Variants in SETX observed in about 807,000 individuals in gnomAD.
SETX encodes the protein helicase senataxin.
Under a neutral mutation model 227.2 loss-of-function variants are expected in SETX, and 90 were observed. That is an observed-to-expected ratio of 0.40 (90% confidence interval 0.33 to 0.47). The LOEUF is 0.47. SETX is among the 20% of genes least tolerant of loss of function. The probability of loss-of-function intolerance (pLI) is 0.91; values close to 1 mark genes in which losing one functional copy is unlikely to be tolerated. For missense variants in SETX, 3,052 were observed against 3,181.5 expected (o/e 0.96, Z 0.98); for synonymous variants, 1,210 against 1,113.2 (o/e 1.09, Z -1.73).
intron 15 of SETX, among the ~76,000 whole-genome samples, chr9:132,293,421 CTTAT>C (rs940113078): frequency 2.0e-5 from 3 of 152,086 alleles, no homozygotes; most frequent in Non-Finnish European, 2.9e-5. Flanking sequence ...CATTTGCTCT[CTTAT>C]TTATTTATTT....
At position 132,302,249 on chromosome 9, in the gene SETX, C is replaced by T. The variant is rs532176091; in HGVS notation, c.5375-1446G>A. Among the ~76,000 whole-genome samples the T allele has an allele frequency of 8.4e-4, 123 of 146,890 alleles. 1 individual carries two copies. The highest frequency in any genetic ancestry group is 3.1e-3 in the African/African-American group (122 of 39,512). Reference sequence around the variant, plus strand: ...GCAGGCATCTGTAGTCCCAGCTACTCGGGAGGCCGAGGCAGGAGAATGACG... The same window carrying T: ...GCAGGCATCTGTAGTCCCAGCTACTTGGGAGGCCGAGGCAGGAGAATGACG... On this transcript the variant is annotated intron_variant, in intron 11 of 25. Coordinates refer to ENST00000224140, the MANE Select transcript of SETX (RefSeq NM_015046.7).
At chr9:132,289,705 A>G (rs968303710) in intron 15 of SETX, among the ~76,000 whole-genome samples, 4 of 152,234 alleles carry the variant, frequency 2.6e-5, no homozygotes, top group African/African-American at 9.6e-5. Flanking sequence ...ACTATGTTCC[A>G]CATCACCTTG....
chr9:132,325,913 G>A lies in SETX; in HGVS notation c.5274+411C>T, dbSNP rs372890750. ...GCACCATTGCACTCCAGCCTGGGCA[G>A]CAAGAGCAAAACTCCACCTAAAAAA... On this transcript the variant is annotated intron_variant, in intron 10 of 25. Transcript: ENST00000224140. Among the ~76,000 whole-genome samples the A allele has an allele frequency of 7.2e-5, 10 of 139,374 alleles. No homozygotes were observed. In the East Asian group the frequency reaches 2.2e-3, roughly 30 times the overall value. The allele number at this position is 139,374 out of a possible 152,430, so 91.4% of individuals were successfully genotyped here.
At chr9:132,352,260 A>G (rs1260954093) in intron 2 of SETX, among the ~76,000 whole-genome samples, 2 of 152,024 alleles carry the variant, frequency 1.3e-5, no homozygotes, top group Non-Finnish European at 2.9e-5. Flanking sequence ...ACAACACACC[A>G]TTTTTTGGAC....
chr9:132,295,650 C>T (rs139439478), intron 15 of SETX, among the ~76,000 whole-genome samples: 28 of 152,290 alleles, frequency 1.8e-4, no homozygotes, highest in African/African-American at 6.0e-4. Context: ...CTCACTAGGC[C>T]GTGTGTCTCC....
intron 25 of SETX, among the ~76,000 whole-genome samples, chr9:132,268,567 T>G (rs1215965957): frequency 6.6e-6 from 1 of 151,974 alleles, no homozygotes; most frequent in African/African-American, 2.4e-5. Context: ...CTTTTAATTC[T>G]AAAAAGAGAT....
At chr9:132,282,414 G>A (rs7023710) in intron 19 of SETX, among the ~76,000 whole-genome samples, 2 of 150,814 alleles carry the variant, frequency 1.3e-5, no homozygotes, top group African/African-American at 2.4e-5. Flanking sequence ...TCAGCCTCCC[G>A]AATAACTGGA....
At chr9:132,286,375 A>G (rs760498241) in intron 18 of SETX, 48 bp downstream of exon 18, 2 of 1,404,992 alleles carry the variant, frequency 1.4e-6, no homozygotes, top group Non-Finnish European at 2.0e-6. Context: ...TTAAATTTTA[A>G]AAAGAAAAAA....
At chr9:132,322,496 T>G (rs965814234) in intron 10 of SETX, among the ~76,000 whole-genome samples, 1 of 152,250 alleles carries the variant, frequency 6.6e-6, no homozygotes, top group African/African-American at 2.4e-5. Flanking sequence ...CTTCTGTCCC[T>G]GACTTATTTC....
At chr9:132,277,980 G>T in intron 21 of SETX, 90 bp downstream of exon 21, 1 of 1,262,186 alleles carries the variant, frequency 7.9e-7, no homozygotes, top group Non-Finnish European at 1.2e-6. Context: ...TGCTTTTTAT[G>T]ACAAGACCTA....
At chr9:132,338,063 TCAGA>T (rs1049317120) in intron 5 of SETX, among the ~76,000 whole-genome samples, 4 of 149,370 alleles carry the variant, frequency 2.7e-5, no homozygotes, top group Non-Finnish European at 5.9e-5. Context: ...TGAGGAAACA[TCAGA>T]CAAACCCAAA....
chr9:132,333,801 G>A (rs1847419269), intron 7 of SETX, among the ~76,000 whole-genome samples: 1 of 152,172 alleles, frequency 6.6e-6, no homozygotes, highest in African/African-American at 2.4e-5. Context: ...GAAATCTTCT[G>A]TCTCTGCATT....
intron 11 of SETX, among the ~76,000 whole-genome samples, chr9:132,309,266 G>C (rs925083168): frequency 6.6e-6 from 1 of 152,198 alleles, no homozygotes; most frequent in Non-Finnish European, 1.5e-5. Context: ...ATCTCAAGAA[G>C]AACAGACTGA....
In SETX at chr9:132,334,707, T is replaced by C. The variant is rs772442830; in HGVS notation, c.739A>G (p.Ile247Val). Residue 247 changes from isoleucine (I) to valine (V), a missense_variant, in exon 7 of 26, where the codon ATT becomes GTT. By Grantham distance (29) the Ile-to-Val change is conservative (BLOSUM62 3). This residue lies in a region of SETX where 239 missense variants were observed against 240.8 expected (regional missense o/e 0.99). Transcript: ENST00000224140. ...YWLGICMLLTILEEQAMDSLL... is the reference protein window; with the variant it reads ...YWLGICMLLTVLEEQAMDSLL... ...GAATCCATGGCTTGTTCCTCAAGAATGGTCAGCAACATGCAAATACCTGTA... is the reference window on the plus strand; with the variant it reads ...GAATCCATGGCTTGTTCCTCAAGAACGGTCAGCAACATGCAAATACCTGTA... 1.2e-6 allele frequency: 2 copies of C among 1,614,166 alleles called. No individual in the cohort carries two copies.
chr9:132,320,605 A>AAAAAAAAAAAAAAAAAAAAAAAAAT (rs1846261926), intron 10 of SETX, among the ~76,000 whole-genome samples: 1 of 151,430 alleles, frequency 6.6e-6, no homozygotes, highest in Non-Finnish European at 1.5e-5. Context: ...AAAAAAAAAA[A>AAAAAAAAAAAAAAAAAAAAAAAAAT]AAAAAAAAAA....
At chr9:132,285,047 T>A (rs527620276) in intron 18 of SETX, among the ~76,000 whole-genome samples, 1 of 152,022 alleles carries the variant, frequency 6.6e-6, no homozygotes, top group Admixed American at 6.6e-5. Context: ...CCCAGCTAAT[T>A]TTTTGTATTT....
intron 17 of SETX, among the ~76,000 whole-genome samples, 194 bp downstream of exon 17, chr9:132,288,042 G>T (rs148689919): frequency 6.6e-6 from 1 of 152,138 alleles, no homozygotes; most frequent in Non-Finnish European, 1.5e-5. Flanking sequence ...CAGGTGTGCC[G>T]GCACAACCTT....
intron 9 of SETX, 34 bp downstream of exon 9, chr9:132,331,018 A>G (rs769455934): frequency 1.3e-6 from 2 of 1,485,264 alleles, no homozygotes; most frequent in East Asian, 4.5e-5. Flanking sequence ...TAAAGGCAAT[A>G]AAATAGCATC....
intron 25 of SETX, among the ~76,000 whole-genome samples, chr9:132,267,340 C>T (rs1481850511): frequency 6.6e-6 from 1 of 152,200 alleles, no homozygotes; most frequent in Non-Finnish European, 1.5e-5. Context: ...TAGCCTGTGG[C>T]TCAAACACAT....
Sources: allele counts gnomAD v4.1 joint callset (sites outside exome capture counted in the v4.1 genomes callset), GRCh38; gene constraint gnomAD v4.1.1; regional missense constraint gnomAD v4.1.1; transcripts MANE v1.5; gene names NCBI Gene and HGNC (gene_info 2026-07-23, HGNC 2026-07-21).